The following GPC3 variants were observed in gnomAD, a reference collection of about 807,000 sequenced individuals.
GPC3 encodes glypican-3.
In GPC3, 3 loss-of-function variants were observed where a neutral mutation model predicts 34.4. The observed-to-expected ratio is 0.09, with a 90% confidence interval of 0.04 to 0.23. The LOEUF is 0.23. Among genes scored for constraint, GPC3 ranks in the 10% least tolerant of loss-of-function variants. GPC3 has a pLI of 1.00. For missense variants in GPC3, 351 were observed against 445.6 expected (o/e 0.79, Z 1.91); for synonymous variants, 177 against 174.0 (o/e 1.02, Z -0.13).
At chrX:133,899,238 A>AT (rs1171984037) in intron 2 of GPC3, among the ~76,000 whole-genome samples, 1 of 112,279 alleles carries the variant, frequency 8.9e-6, no homozygotes, top group African/African-American at 3.2e-5. Flanking sequence ...TATAAGGAAC[A>AT]TCAGTCTCAT....
chrX:133,868,775 G>T (rs1048565988), intron 2 of GPC3, among the ~76,000 whole-genome samples: 5 of 110,988 alleles, frequency 4.5e-5, no homozygotes, highest in African/African-American at 1.3e-4. Flanking sequence ...TCAATGGGCG[G>T]GCCTCCTCCC....
intron 1 of GPC3, among the ~76,000 whole-genome samples, chrX:133,967,693 A>T (rs1410850748): frequency 8.9e-6 from 1 of 111,840 alleles, no homozygotes; most frequent in South Asian, 3.7e-4. Context: ...CAATGGTGCA[A>T]TCTTGGCTCA....
In GPC3 at chrX:133,749,161, C is replaced by G. The variant is rs747911743; in HGVS notation, c.1032+4321G>C. Among the ~76,000 whole-genome samples, 6 of 111,511 alleles carry G rather than the reference C, an allele frequency of 5.4e-5. No homozygotes were observed. The South Asian group carries it at 2.3e-3, about 43-fold the overall frequency. On this transcript the variant is annotated intron_variant, in intron 3 of 7. Transcript: ENST00000370818. Reference sequence around the variant, plus strand: ...CTGTAATCCTAGCTACTCGGGAGGCCGAGGCATGAGAATCGCATGGGCCCA... The same window carrying G: ...CTGTAATCCTAGCTACTCGGGAGGCGGAGGCATGAGAATCGCATGGGCCCA...
At chrX:133,672,016 G>T (rs1460174851) in intron 5 of GPC3, among the ~76,000 whole-genome samples, 1 of 112,087 alleles carries the variant, frequency 8.9e-6, no homozygotes, top group African/African-American at 3.2e-5. Flanking sequence ...ACTTTGAGGA[G>T]GGACTAAAAG....
intron 2 of GPC3, among the ~76,000 whole-genome samples, chrX:133,759,320 A>G (rs1259447603): frequency 8.9e-6 from 1 of 112,027 alleles, no homozygotes; most frequent in Non-Finnish European, 1.9e-5. Context: ...GCACTGCAAA[A>G]GAACAAAGTT....
chrX:133,941,760 CA>C (rs1415894596), intron 2 of GPC3, among the ~76,000 whole-genome samples: 1 of 111,603 alleles, frequency 9.0e-6, no homozygotes, highest in Non-Finnish European at 1.9e-5. Context: ...TAAACCCCCA[CA>C]AAAAAAGAAA....
intron 2 of GPC3, among the ~76,000 whole-genome samples, chrX:133,801,488 A>T (rs1404613503): frequency 8.9e-6 from 1 of 111,755 alleles, no homozygotes; most frequent in Non-Finnish European, 1.9e-5. Context: ...ATGTAGTCGA[A>T]CGCATTTTAT....
At chrX:133,922,388 A>G (rs2076253456) in intron 2 of GPC3, among the ~76,000 whole-genome samples, 1 of 111,570 alleles carries the variant, frequency 9.0e-6, no homozygotes, top group Non-Finnish European at 1.9e-5. Context: ...AGCTCTGAGA[A>G]TGGAGGATGG....
At chrX:133,792,261 G>C (rs983918612) in intron 2 of GPC3, among the ~76,000 whole-genome samples, 5 of 111,870 alleles carry the variant, frequency 4.5e-5, no homozygotes, top group African/African-American at 1.6e-4. Flanking sequence ...GTTCCACTAA[G>C]ACAAGGATTT....
At chrX:133,756,272 T>A (rs1404358354) in intron 2 of GPC3, among the ~76,000 whole-genome samples, 1 of 112,386 alleles carries the variant, frequency 8.9e-6, no homozygotes, top group Non-Finnish European at 1.9e-5. Context: ...GCTTGCTGCC[T>A]TCGACCTACA....
At chrX:133,637,242 C>T (rs982889921) in intron 6 of GPC3, among the ~76,000 whole-genome samples, 4 of 110,199 alleles carry the variant, frequency 3.6e-5, no homozygotes, top group African/African-American at 9.9e-5. Context: ...CTGAGGCAGG[C>T]GGATCACTTC....
intron 2 of GPC3, among the ~76,000 whole-genome samples, chrX:133,761,684 A>G (rs1346728306): frequency 1.8e-5 from 2 of 112,041 alleles, no homozygotes; most frequent in African/African-American, 6.5e-5. Context: ...GGTCCTCAGA[A>G]ATGAGAAGTG....
intron 2 of GPC3, among the ~76,000 whole-genome samples, chrX:133,760,805 T>C (rs2071780704): frequency 3.6e-5 from 4 of 111,806 alleles, no homozygotes; most frequent in African/African-American, 9.7e-5. Context: ...GTATCAATAT[T>C]GGTTCATTAA....
intron 2 of GPC3, among the ~76,000 whole-genome samples, chrX:133,853,558 C>G (rs1189125899): frequency 8.9e-6 from 1 of 112,146 alleles, no homozygotes; most frequent in Non-Finnish European, 1.9e-5. Context: ...AACAACACAG[C>G]TTTGGTAATT....
intron 3 of GPC3, among the ~76,000 whole-genome samples, chrX:133,710,141 A>T (rs1159031310): frequency 8.9e-6 from 1 of 112,215 alleles, no homozygotes; most frequent in East Asian, 2.8e-4. Flanking sequence ...TTATTTGAAC[A>T]TTTCATACAT....
intron 7 of GPC3, among the ~76,000 whole-genome samples, chrX:133,545,533 T>TGA (rs1190030603): frequency 9.1e-6 from 1 of 109,959 alleles, no homozygotes; most frequent in Non-Finnish European, 1.9e-5. Flanking sequence ...CAGTGATTAG[T>TGA]GAGTTAAGGA....
Position 133,912,035 on chromosome X carries a change from T to G in GPC3, c.337+41015A>C, listed in dbSNP as rs181922631. Among the ~76,000 whole-genome samples the G allele has an allele frequency of 5.9e-3, 667 of 112,576 alleles. 4 individuals carry two copies. The highest frequency in any genetic ancestry group is 0.01 in the Non-Finnish European group (548 of 53,322). On this transcript the variant is annotated intron_variant, in intron 2 of 7. Transcript: ENST00000370818. ...GTGGAAGTGGTTTTCAAAATCATTGTCTCAACACATTGGTATGTCCAGATC... is the reference window on the plus strand; with the variant it reads ...GTGGAAGTGGTTTTCAAAATCATTGGCTCAACACATTGGTATGTCCAGATC...
At chrX:133,932,863 C>G (rs944874855) in intron 2 of GPC3, among the ~76,000 whole-genome samples, 1 of 111,547 alleles carries the variant, frequency 9.0e-6, no homozygotes, top group East Asian at 2.8e-4. Context: ...CTCTTCATCT[C>G]TTTGGACAGA....
chrX:133,789,876 T>C (rs1403100280), intron 2 of GPC3, among the ~76,000 whole-genome samples: 11 of 112,384 alleles, frequency 9.8e-5, no homozygotes, highest in African/African-American at 3.6e-4. Flanking sequence ...AGGGCAAAAT[T>C]CTCAGTCAGC....
Sources: gnomAD v4.1 joint callset for allele counts (sites outside exome capture counted in the v4.1 genomes callset) on GRCh38, gnomAD v4.1.1 for gene constraint, MANE v1.5 for transcripts, NCBI Gene and HGNC (gene_info 2026-07-23, HGNC 2026-07-21) for gene names.